The following GALNT13 variants were observed in gnomAD, a reference collection of about 807,000 sequenced individuals.
The protein encoded by GALNT13 is UDP-GalNAc:polypeptide N-acetylgalactosaminyltransferase 13.
In GALNT13, 28 loss-of-function variants were observed where a neutral mutation model predicts 64.2. The observed-to-expected ratio is 0.44, with a 90% CI of 0.32 to 0.60. The LOEUF (loss-of-function observed/expected upper bound fraction) is 0.60, where lower values mean the gene tolerates loss of function less well. Among genes scored for constraint, GALNT13 ranks in the 20% least tolerant of loss-of-function variants. The probability of loss-of-function intolerance (pLI) is 0.05; values close to 1 mark genes in which losing one functional copy is unlikely to be tolerated. For missense variants in GALNT13, 577 were observed against 669.8 expected (o/e 0.86, Z 1.53); for synonymous variants, 214 against 224.6 (o/e 0.95, Z 0.42).
the GALNT13 span, among the ~76,000 whole-genome samples, chr2:153,228,423 C>T: frequency 7.2e-5 from 11 of 152,222 alleles, no homozygotes; most frequent in African/African-American, 2.6e-4. Context: ...TACAATGATA[C>T]AGACAAATCA....
rs116078932 is a variant in GALNT13, at chr2:153,899,470, T to A, written c.-176-1466T>A. On this transcript the variant is annotated intron_variant, in intron 1 of 12. Transcript: ENST00000392825. ...TTTTAAACTTAGAAAATACAAAGTT[T>A]CTTGGGCATTTCTTGATTTTTTTCC... Among the ~76,000 whole-genome samples, 697 of 152,334 alleles carry A rather than the reference T, an allele frequency of 4.6e-3. 12 individuals carry two copies. The highest frequency in any genetic ancestry group is 0.016 in the African/African-American group (673 of 41,576).
At chr2:153,850,177 T>TA in the GALNT13 span, among the ~76,000 whole-genome samples, 15 of 141,940 alleles carry the variant, frequency 1.1e-4, no homozygotes, top group East Asian at 6.4e-4. Flanking sequence ...AGACTCCGTC[T>TA]AAAAAAAAAA....
At chr2:153,259,080 A>G in the GALNT13 span, among the ~76,000 whole-genome samples, 1 of 152,126 alleles carries the variant, frequency 6.6e-6, no homozygotes, top group Non-Finnish European at 1.5e-5. Flanking sequence ...ATTAGCTCTC[A>G]TATTTGCTTT....
chr2:154,301,371 A>G (rs766698218), intron 8 of GALNT13, 38 bp from the exon 9 acceptor site: 17 of 1,548,478 alleles, frequency 1.1e-5, no homozygotes, highest in Non-Finnish European at 1.5e-5. Context: ...CTCATACAAT[A>G]TTATTGCATT....
At chr2:154,066,789 A>G (rs962355797) in intron 3 of GALNT13, among the ~76,000 whole-genome samples, 10 of 152,160 alleles carry the variant, frequency 6.6e-5, no homozygotes, top group African/African-American at 2.4e-4. Flanking sequence ...AAATCATCTG[A>G]AGATATAAAA....
chr2:153,548,003 T>C, the GALNT13 span, among the ~76,000 whole-genome samples: 1 of 152,194 alleles, frequency 6.6e-6, no homozygotes, highest in East Asian at 1.9e-4. Flanking sequence ...ATCCAATAAT[T>C]GCTTTCTGTG....
chr2:154,312,983 GAACT>G (rs1190902892), intron 9 of GALNT13, among the ~76,000 whole-genome samples: 2 of 151,848 alleles, frequency 1.3e-5, no homozygotes, highest in Non-Finnish European at 2.9e-5. Flanking sequence ...TCATGAAATA[GAACT>G]AATAAGCAGA....
At chr2:153,436,659 G>T in the GALNT13 span, among the ~76,000 whole-genome samples, 1 of 152,120 alleles carries the variant, frequency 6.6e-6, no homozygotes, top group African/African-American at 2.4e-5. Context: ...GTATTTCTGT[G>T]GGATCGGTGG....
At chr2:153,597,259 G>A in the GALNT13 span, among the ~76,000 whole-genome samples, 4 of 151,952 alleles carry the variant, frequency 2.6e-5, no homozygotes, top group South Asian at 2.1e-4. Flanking sequence ...CCTAGTACAG[G>A]GCACTTCTAA....
intron 4 of GALNT13, among the ~76,000 whole-genome samples, chr2:154,163,707 A>T (rs1684868169): frequency 6.6e-6 from 1 of 152,180 alleles, no homozygotes; most frequent in South Asian, 2.1e-4. Context: ...GTGAATATAG[A>T]TGAACACCCT....
chr2:153,976,213 G>T (rs909576198), intron 3 of GALNT13, among the ~76,000 whole-genome samples: 4 of 152,060 alleles, frequency 2.6e-5, no homozygotes, highest in Non-Finnish European at 5.9e-5. Context: ...TTTATCCTCA[G>T]TGCTTAGATT....
intron 9 of GALNT13, among the ~76,000 whole-genome samples, chr2:154,334,882 A>G (rs1306869615): frequency 6.6e-6 from 1 of 151,752 alleles, no homozygotes; most frequent in Non-Finnish European, 1.5e-5. Flanking sequence ...CTGCTGCTTA[A>G]CTCTTCCAGT....
the GALNT13 span, chr2:153,762,380 T>C: frequency 6.6e-6 from 1 of 152,332 alleles, no homozygotes; most frequent in Middle Eastern, 3.3e-3. Context: ...CCATAAATAA[T>C]TATATTGAAG....
At chr2:154,339,694 A>G (rs529540656) in intron 9 of GALNT13, among the ~76,000 whole-genome samples, 5 of 152,148 alleles carry the variant, frequency 3.3e-5, no homozygotes, top group Non-Finnish European at 7.4e-5. Context: ...ATGGATAGTA[A>G]ATGATTAGGT....
the GALNT13 span, among the ~76,000 whole-genome samples, chr2:153,804,087 T>C: frequency 6.6e-6 from 1 of 152,166 alleles, no homozygotes; most frequent in African/African-American, 2.4e-5. Context: ...AAAAGGAATG[T>C]TGGGATTGAG....
chr2:154,353,704 A>C (rs12693979), intron 9 of GALNT13, among the ~76,000 whole-genome samples: 30,525 of 152,056 alleles, frequency 0.2, 3,486 homozygotes, highest in Middle Eastern at 0.37. Context: ...ACTTAGCATA[A>C]TGCCCTCTGG....
chr2:153,094,148 T>C, the GALNT13 span, among the ~76,000 whole-genome samples: 2 of 152,226 alleles, frequency 1.3e-5, no homozygotes, highest in African/African-American at 2.4e-5. Flanking sequence ...ATTACAATTT[T>C]ATTTGTGTTC....
intron 8 of GALNT13, among the ~76,000 whole-genome samples, chr2:154,274,818 G>C (rs1691550635): frequency 6.6e-6 from 1 of 152,148 alleles, no homozygotes; most frequent in Non-Finnish European, 1.5e-5. Flanking sequence ...CTGGGTAACA[G>C]GCAGAGGTTA....
chr2:153,347,040 C>T, the GALNT13 span, among the ~76,000 whole-genome samples: 1 of 152,220 alleles, frequency 6.6e-6, no homozygotes, highest in East Asian at 1.9e-4. Context: ...GTCTTTCTCT[C>T]AAGTTGTCAT....
Sources: gnomAD v4.1 joint callset for allele counts (sites outside exome capture counted in the v4.1 genomes callset) on GRCh38, gnomAD v4.1.1 for gene constraint, MANE v1.5 for transcripts, NCBI Gene and HGNC (gene_info 2026-07-23, HGNC 2026-07-21) for gene names.